The following CTNNA2 variants were observed in gnomAD, a reference collection of about 807,000 sequenced individuals.
CTNNA2 encodes the protein catenin alpha 2, also known as catenin alpha-2.
Under a neutral mutation model 101.0 loss-of-function variants are expected in CTNNA2, and 42 were observed. The ratio of observed to expected loss-of-function variants is 0.42; its 90% CI spans 0.32 to 0.54. The LOEUF is 0.54. CTNNA2 is among the 20% of genes least tolerant of loss of function. The probability of loss-of-function intolerance (pLI) is 0.14; values close to 1 mark genes in which losing one functional copy is unlikely to be tolerated. For synonymous variants in CTNNA2, 450 were observed against 456.4 expected (o/e 0.99, Z 0.18); for missense variants, 871 against 1,223.1 (o/e 0.71, Z 4.29).
rs79606475 is a variant in CTNNA2 at position 80,338,862 on chromosome 2, G to A, written c.1057-54349G>A. 6.1e-3 allele frequency among the ~76,000 whole-genome samples: 927 copies of A among 152,232 alleles called. 10 individuals are homozygous for A. Among genetic ancestry groups the A allele is most frequent in the African/African-American group, 0.021 (857 of 41,552 alleles). On this transcript the variant is annotated intron_variant, in intron 7 of 18. Transcript: ENST00000402739. ...GGGGGACTCTAGAGCTTTTGGATAG[G>A]CCAGGAGCAAAAGACATAAAAACAA...
chr2:79,937,023 T>A (rs1687838750), intron 7 of CTNNA2, among the ~76,000 whole-genome samples: 1 of 152,206 alleles, frequency 6.6e-6, no homozygotes, highest in Non-Finnish European at 1.5e-5. Context: ...TAGAAAATAA[T>A]GCCATTGACC....
intron 7 of CTNNA2, among the ~76,000 whole-genome samples, chr2:80,176,394 A>G (rs1040938224): frequency 2.6e-5 from 4 of 152,248 alleles, no homozygotes; most frequent in Non-Finnish European, 5.9e-5. Flanking sequence ...ACAAGTGTAT[A>G]CAAGCTGAAA....
chr2:79,590,139 C>T lies in CTNNA2; in HGVS notation c.-5-61413C>T, dbSNP rs577168051. ...CATTTCTTTAAATCCCAATGAAAAC[C>T]GTTTTCTTTTGTCATGCCTGCTGTG... On this transcript the variant is annotated intron_variant, in intron 1 of 18. Transcript: ENST00000402739. Among the ~76,000 whole-genome samples the T allele has an allele frequency of 5.3e-5, 8 of 152,228 alleles. No homozygotes were observed. The East Asian group carries it at 5.8e-4, about 11-fold the overall frequency.
chr2:80,575,885 C>T (rs566204672), intron 13 of CTNNA2, among the ~76,000 whole-genome samples: 1 of 152,274 alleles, frequency 6.6e-6, no homozygotes, highest in African/African-American at 2.4e-5. Context: ...AGACGGATTT[C>T]ACACCACTTA....
chr2:80,343,464 A>C (rs11890946), intron 7 of CTNNA2, among the ~76,000 whole-genome samples: 1 of 151,650 alleles, frequency 6.6e-6, no homozygotes, highest in Non-Finnish European at 1.5e-5. Flanking sequence ...CCTGCAGAGA[A>C]AAAAGGATGA....
intron 3 of CTNNA2, among the ~76,000 whole-genome samples, chr2:79,325,705 C>A (rs1433929953): frequency 6.6e-6 from 1 of 152,214 alleles, no homozygotes; most frequent in South Asian, 2.1e-4. Context: ...ATCCAGGCAG[C>A]CTCCCCAGAA....
intron 4 of CTNNA2, among the ~76,000 whole-genome samples, chr2:79,465,207 G>T (rs1352133411): frequency 6.6e-6 from 1 of 152,160 alleles, no homozygotes; most frequent in Non-Finnish European, 1.5e-5. Flanking sequence ...CATAGGGTTA[G>T]CCAGTTTTCC....
intron 2 of CTNNA2, among the ~76,000 whole-genome samples, chr2:79,271,288 A>C (rs1249936277): frequency 1.3e-5 from 2 of 152,038 alleles, no homozygotes; most frequent in African/African-American, 2.4e-5. Flanking sequence ...TGATAGAAGC[A>C]TGTCTAGATC....
intron 7 of CTNNA2, among the ~76,000 whole-genome samples, chr2:80,317,353 C>A (rs1349863493): frequency 1.3e-5 from 2 of 152,118 alleles, no homozygotes. Flanking sequence ...TCCATTTATT[C>A]ATCAAAATTC....
intron 7 of CTNNA2, among the ~76,000 whole-genome samples, chr2:80,062,930 C>G (rs1364953741): frequency 6.6e-6 from 1 of 152,132 alleles, no homozygotes; most frequent in African/African-American, 2.4e-5. Flanking sequence ...TGGTCTCGAT[C>G]TCCTGACCTC....
intron 8 of CTNNA2, among the ~76,000 whole-genome samples, chr2:80,405,687 T>C (rs1373625952): frequency 6.6e-6 from 1 of 152,160 alleles, no homozygotes; most frequent in African/African-American, 2.4e-5. Flanking sequence ...TGGGGGAATA[T>C]CTGATTAAAT....
At chr2:79,689,283 C>T (rs1460787139) in intron 2 of CTNNA2, among the ~76,000 whole-genome samples, 6 of 151,896 alleles carry the variant, frequency 4.0e-5, no homozygotes, top group Non-Finnish European at 8.8e-5. Flanking sequence ...CCTGAGCATA[C>T]ACTCAGGATC....
At chr2:79,547,171 T>C (rs1285299619) in intron 1 of CTNNA2, 1 of 152,158 alleles carries the variant, frequency 6.6e-6, no homozygotes, top group Non-Finnish European at 1.5e-5. Context: ...AATGACTCTT[T>C]GATGCAAAAT....
chr2:79,509,448 C>T (rs1671488247), upstream of CTNNA2, among the ~76,000 whole-genome samples: 1 of 152,006 alleles, frequency 6.6e-6, no homozygotes, highest in South Asian at 2.1e-4. Context: ...GCTGTCAAGC[C>T]ATGAAAATAC....
chr2:79,981,239 A>G (rs147459924), intron 7 of CTNNA2, among the ~76,000 whole-genome samples: 2 of 152,268 alleles, frequency 1.3e-5, no homozygotes, highest in African/African-American at 2.4e-5. Flanking sequence ...AGGGGGCTTC[A>G]TTTTTAAGCA....
chr2:79,936,762 C>G (rs979390960), intron 7 of CTNNA2, among the ~76,000 whole-genome samples: 1 of 152,090 alleles, frequency 6.6e-6, no homozygotes, highest in Non-Finnish European at 1.5e-5. Context: ...TTGGGAGACT[C>G]TAGTTAAAAA....
chr2:80,261,292 T>C (rs1000416955), intron 7 of CTNNA2, among the ~76,000 whole-genome samples: 32 of 152,100 alleles, frequency 2.1e-4, no homozygotes, highest in Admixed American at 2.0e-3. Flanking sequence ...CCCCTTGTAA[T>C]AGGCTTTGAT....
chr2:79,487,618 A>G (rs946629048), intron 4 of CTNNA2, among the ~76,000 whole-genome samples: 1 of 152,166 alleles, frequency 6.6e-6, no homozygotes, highest in Non-Finnish European at 1.5e-5. Context: ...AGCTCTCAGC[A>G]TTCCAGCTGA....
At chr2:79,311,389 A>T in intron 2 of CTNNA2, among the ~76,000 whole-genome samples, 1 of 140,378 alleles carries the variant, frequency 7.1e-6, no homozygotes. Flanking sequence ...AGCCTGGGCG[A>T]CAGGGCTAGA....
Sources: allele counts gnomAD v4.1 joint callset (sites outside exome capture counted in the v4.1 genomes callset), GRCh38; gene constraint gnomAD v4.1.1; transcripts MANE v1.5; gene names NCBI Gene and HGNC (gene_info 2026-07-23, HGNC 2026-07-21).